ADARB1: variants seen among roughly 807,000 people sequenced by gnomAD.
ADARB1 encodes double-stranded RNA-specific editase 1.
In ADARB1, 10 loss-of-function variants were observed where a neutral mutation model predicts 52.4. The observed-to-expected ratio is 0.19, with a 90% CI of 0.12 to 0.32. The LOEUF is 0.32. ADARB1 is among the 10% of genes least tolerant of loss of function. The pLI, the probability that ADARB1 is intolerant of heterozygous loss-of-function variation, is 1.00. For synonymous variants in ADARB1, 349 were observed against 371.1 expected, an observed-to-expected ratio of 0.94 and a Z score of 0.68; for missense variants, 643 against 922.3, an observed-to-expected ratio of 0.70 and a Z score of 3.92.
rs1422182811 is a variant in ADARB1, at chr21:45,142,311, G to A, written c.-48+13738G>A. 1.3e-5 allele frequency among the ~76,000 whole-genome samples: 2 copies of A among 152,142 alleles called. No homozygotes were observed. The highest frequency in any genetic ancestry group is 2.9e-5 in the Non-Finnish European group (2 of 68,030). On this transcript the variant is annotated intron_variant, in intron 2 of 10. Transcript: ENST00000348831. The surrounding 1 kb of genome is among the most constrained non-coding windows in gnomAD (Gnocchi z 4.0). ...TTTGATTTTTAACCCTAAGTTGCAT[G>A]GTAAAGTCACCTTTAAAGCCAATGG...
At chr21:45,075,849 C>T (rs1321231032) in intron 1 of ADARB1, among the ~76,000 whole-genome samples, 1 of 152,192 alleles carries the variant, frequency 6.6e-6, no homozygotes, top group East Asian at 1.9e-4. Flanking sequence ...TCTTACTAAC[C>T]ATTATTGCAT....
At chr21:45,219,358 T>C (rs1399304117) in intron 9 of ADARB1, among the ~76,000 whole-genome samples, 1 of 152,080 alleles carries the variant, frequency 6.6e-6, no homozygotes, top group Non-Finnish European at 1.5e-5. Flanking sequence ...ACCCCATCTC[T>C]ACTAAAAATA....
chr21:45,147,795 C>G (rs901951092), intron 2 of ADARB1, among the ~76,000 whole-genome samples: 12 of 152,184 alleles, frequency 7.9e-5, no homozygotes, highest in Non-Finnish European at 1.5e-4. Context: ...CAACTGTGAG[C>G]CTTCCTGGCT....
chr21:45,159,411 C>T (rs9980873), intron 2 of ADARB1, among the ~76,000 whole-genome samples: 2,895 of 152,308 alleles, frequency 0.019, 51 homozygotes, highest in African/African-American at 0.044. Flanking sequence ...CAATTCAAGA[C>T]GAGATTTGGG....
At chr21:45,087,871 T>C (rs1314341483) in intron 1 of ADARB1, among the ~76,000 whole-genome samples, 2 of 152,332 alleles carry the variant, frequency 1.3e-5, no homozygotes, top group Admixed American at 6.5e-5. Context: ...TCTGTGAGGC[T>C]GAAGAGAACT....
intron 2 of ADARB1, among the ~76,000 whole-genome samples, chr21:45,130,487 A>C (rs1459106461): frequency 6.6e-6 from 1 of 152,270 alleles, no homozygotes; most frequent in Non-Finnish European, 1.5e-5. Flanking sequence ...CTAGCTGCGA[A>C]TAGAAATCGT....
At chr21:45,162,623 G>A (rs566360628) in intron 2 of ADARB1, among the ~76,000 whole-genome samples, 1 of 152,204 alleles carries the variant, frequency 6.6e-6, no homozygotes, top group South Asian at 2.1e-4. Flanking sequence ...ACCTGACTAG[G>A]GACATGGGGA....
At chr21:45,126,709 G>A (rs2088607081) in intron 1 of ADARB1, among the ~76,000 whole-genome samples, 1 of 152,152 alleles carries the variant, frequency 6.6e-6, no homozygotes, top group Non-Finnish European at 1.5e-5. Flanking sequence ...AATACTCCTG[G>A]CAAGTATGGC....
At chr21:45,110,298 T>C (rs1262050605) in intron 1 of ADARB1, among the ~76,000 whole-genome samples, 1 of 152,158 alleles carries the variant, frequency 6.6e-6, no homozygotes, top group East Asian at 1.9e-4. Flanking sequence ...CTTAAAATGT[T>C]CATCTGTTTA....
At chr21:45,181,869 G>A (rs1172508927) in intron 5 of ADARB1, among the ~76,000 whole-genome samples, 3 of 152,220 alleles carry the variant, frequency 2.0e-5, no homozygotes, top group Non-Finnish European at 4.4e-5. Flanking sequence ...AGAGGACATC[G>A]TGGGAATGCA....
At chr21:45,118,348 C>T (rs1246008581) in intron 1 of ADARB1, among the ~76,000 whole-genome samples, 2 of 152,154 alleles carry the variant, frequency 1.3e-5, no homozygotes, top group Non-Finnish European at 2.9e-5. Context: ...TGACAGACTT[C>T]TTAATTCACT....
intron 2 of ADARB1, among the ~76,000 whole-genome samples, chr21:45,151,547 A>G (rs2090290262): frequency 6.6e-6 from 1 of 152,052 alleles, no homozygotes. Context: ...ACTCCTCCCC[A>G]TAATCGGACT....
intron 2 of ADARB1, among the ~76,000 whole-genome samples, chr21:45,152,146 T>C (rs1427763280): frequency 6.6e-6 from 1 of 152,250 alleles, no homozygotes; most frequent in Non-Finnish European, 1.5e-5. Flanking sequence ...TGGCGTCTGC[T>C]GAGCCTCTGC....
rs945743244 is a variant in ADARB1, at chr21:45,144,320, A to G, written c.-48+15747A>G. 3.3e-5 allele frequency among the ~76,000 whole-genome samples: 5 copies of G among 152,222 alleles called. No homozygotes were observed. In the East Asian group the frequency reaches 7.7e-4, roughly 23 times the overall value. On this transcript the variant is annotated intron_variant, in intron 2 of 10. Transcript: ENST00000348831. Reference sequence around the variant, plus strand: ...AATTTTAGAACTTTACTCTGAGGGCATAGATAAAAATAAAATTAATTAGAT... The same window carrying G: ...AATTTTAGAACTTTACTCTGAGGGCGTAGATAAAAATAAAATTAATTAGAT...
chr21:45,171,311 A>G (rs2091472744), intron 2 of ADARB1, among the ~76,000 whole-genome samples: 1 of 151,912 alleles, frequency 6.6e-6, no homozygotes, highest in South Asian at 2.1e-4. Context: ...CTGGCCCTGA[A>G]CCTCCCTTGC....
At chr21:45,132,540 C>G (rs2089016711) in intron 2 of ADARB1, among the ~76,000 whole-genome samples, 1 of 152,156 alleles carries the variant, frequency 6.6e-6, no homozygotes, top group Admixed American at 6.5e-5. Flanking sequence ...AGTTATAGAA[C>G]AGGGACCAGG....
At chr21:45,148,806 C>T (rs2090137024) in intron 2 of ADARB1, among the ~76,000 whole-genome samples, 1 of 152,218 alleles carries the variant, frequency 6.6e-6, no homozygotes, top group Non-Finnish European at 1.5e-5. Context: ...GCTCCCTGGC[C>T]TGGCGAGATC....
rs539992192 is a variant in ADARB1, at chr21:45,225,165, G to C, written c.*2968G>C. On this transcript the variant is annotated 3_prime_UTR_variant, in exon 11 of 11. Transcript: ENST00000348831. ...GACCACTCAGGTACAGCTCTGCCAG[G>C]GACAGAGTCCTGCTAGTGGGAGGTC... The C allele has an allele frequency of 2.4e-4, 247 of 1,032,276 alleles. 3 individuals are homozygous for C. The South Asian group carries it at 5.8e-3, about 24-fold the overall frequency. 63.9% of individuals were successfully genotyped at this position (1,032,276 alleles called of 1,614,324 possible).
At chr21:45,155,651 A>T (rs192303705) in intron 2 of ADARB1, among the ~76,000 whole-genome samples, 5 of 150,794 alleles carry the variant, frequency 3.3e-5, no homozygotes, top group Non-Finnish European at 5.9e-5. Context: ...CTCTCCATGC[A>T]TCCATCATCC....
Sources: gnomAD v4.1 joint callset for allele counts (sites outside exome capture counted in the v4.1 genomes callset) on GRCh38, gnomAD v4.1.1 for gene constraint, Gnocchi (gnomAD v3.1) non-coding constraint, MANE v1.5 for transcripts, NCBI Gene and HGNC (gene_info 2026-07-23, HGNC 2026-07-21) for gene names.